SPON1: variants seen among roughly 807,000 people sequenced by gnomAD.
The protein encoded by SPON1 is spondin-1.
A neutral mutation model predicts 111.7 loss-of-function variants in SPON1; 52 were observed. That is an observed-to-expected ratio of 0.47 (90% CI 0.37 to 0.59). The LOEUF (loss-of-function observed/expected upper bound fraction) is 0.59. Ranked by LOEUF, SPON1 falls within the 20% of genes least tolerant of loss-of-function variation. SPON1 has a pLI of 0.00. For synonymous variants in SPON1, 410 were observed against 395.8 expected (o/e 1.04, Z -0.43); for missense variants, 957 against 1,068.5 (o/e 0.90, Z 1.46).
intron 6 of SPON1, among the ~76,000 whole-genome samples, chr11:14,213,330 G>A (rs1380333493): frequency 6.6e-6 from 1 of 152,048 alleles, no homozygotes; most frequent in African/African-American, 2.4e-5. Context: ...TTTGCCTGGA[G>A]CTAGTCTCAG....
chr11:14,143,574 A>AG (rs759066233), intron 6 of SPON1, among the ~76,000 whole-genome samples: 6 of 145,262 alleles, frequency 4.1e-5, no homozygotes, highest in Admixed American at 2.8e-4. Flanking sequence ...AAAAAAAAAA[A>AG]GGGCAGGGGA....
At chr11:14,002,648 T>C (rs1204912643) in intron 2 of SPON1, among the ~76,000 whole-genome samples, 2 of 152,014 alleles carry the variant, frequency 1.3e-5, no homozygotes, top group African/African-American at 4.8e-5. Flanking sequence ...GAGATTGGAT[T>C]TGTAACTTTC....
chr11:14,257,928 C>G lies in SPON1; in HGVS notation c.1492+30C>G, dbSNP rs1474124677. ...GGAGACAACCCAGACCAGCCAGGGG[C>G]TGGCAGGAGTTCAGGAAGGGAGGGT... is the stretch of plus-strand genomic sequence containing the variant. On this transcript the variant is annotated intron_variant, in intron 11 of 15. Transcript: ENST00000576479. 18 of 1,496,848 alleles carry G rather than the reference C, an allele frequency of 1.2e-5. 1 individual carries two copies. The Admixed American group carries it at 3.9e-4, about 32-fold the overall frequency. 92.7% of individuals were successfully genotyped at this position (1,496,848 alleles called of 1,614,324 possible).
At chr11:14,134,458 A>C (rs1847567248) in intron 5 of SPON1, among the ~76,000 whole-genome samples, 1 of 152,040 alleles carries the variant, frequency 6.6e-6, no homozygotes, top group Non-Finnish European at 1.5e-5. Flanking sequence ...TTGTGCATTA[A>C]TTCCCTCCCA....
chr11:14,152,023 C>T (rs1164742674), intron 6 of SPON1, among the ~76,000 whole-genome samples: 2 of 152,122 alleles, frequency 1.3e-5, no homozygotes, highest in African/African-American at 4.8e-5. Context: ...TCTTCCAGAC[C>T]ATATTGTAAC....
intron 5 of SPON1, among the ~76,000 whole-genome samples, chr11:14,115,157 A>G (rs1849257754): frequency 6.6e-6 from 1 of 152,168 alleles, no homozygotes. Flanking sequence ...GGAAACTTTC[A>G]GTTTTCATCC....
In SPON1 at chr11:14,228,883, A is replaced by G. The variant is rs868991689; in HGVS notation, c.826-14449A>G. ...TGAGATGATCCTTAATATGTACACA[A>G]TCTATTATTTTATTCTCACAAAAAT... On this transcript the variant is annotated intron_variant, in intron 6 of 15. Coordinates refer to ENST00000576479, the MANE Select transcript of SPON1 (RefSeq NM_006108.4). This position sits in a 1 kb window ranked among gnomAD's most constrained non-coding sequence, Gnocchi z 4.2. Among the ~76,000 whole-genome samples, 5 of 152,336 alleles carry G rather than the reference A, an allele frequency of 3.3e-5. 1 individual carries two copies. The highest frequency in any genetic ancestry group is 4.4e-5 in the Non-Finnish European group (3 of 68,030).
At chr11:14,025,097 C>G (rs1002105418) in intron 2 of SPON1, among the ~76,000 whole-genome samples, 2 of 152,134 alleles carry the variant, frequency 1.3e-5, no homozygotes, top group Non-Finnish European at 2.9e-5. Context: ...GGGGTGCAGT[C>G]ATTTATTCAG....
chr11:14,259,177 C>T lies in SPON1; in HGVS notation c.1493-103C>T. 1 of 1,327,136 alleles carries T rather than the reference C, an allele frequency of 7.5e-7. No individual in the cohort carries two copies. The highest frequency in any genetic ancestry group is 1.0e-6 in the Non-Finnish European group (1 of 986,160). The allele number at this position is 1,327,136 out of a possible 1,614,324, so 82.2% of individuals were successfully genotyped here. On this transcript the variant is annotated intron_variant, in intron 11 of 15. Coordinates refer to ENST00000576479, the MANE Select transcript of SPON1 (RefSeq NM_006108.4). The surrounding 1 kb of genome is among the most constrained non-coding windows in gnomAD (Gnocchi z 5.0). ...TTAGGTGTGCAGACAACCTCAACTG[C>T]CTGACTCCTCTTGATTCCCGCTGGC...
At chr11:13,970,864 G>A (rs544272757) in intron 1 of SPON1, among the ~76,000 whole-genome samples, 28 of 152,248 alleles carry the variant, frequency 1.8e-4, no homozygotes, top group African/African-American at 6.3e-4. Context: ...AAATTCTCTC[G>A]TTTATTGTCT....
At chr11:14,144,138 AG>A (rs1847691449) in intron 6 of SPON1, among the ~76,000 whole-genome samples, 1 of 152,190 alleles carries the variant, frequency 6.6e-6, no homozygotes, top group Non-Finnish European at 1.5e-5. Flanking sequence ...CATGGCTTGG[AG>A]TATGAGCTCA....
intron 6 of SPON1, among the ~76,000 whole-genome samples, chr11:14,164,121 C>T (rs1199408493): frequency 2.6e-5 from 4 of 152,118 alleles, no homozygotes; most frequent in African/African-American, 9.7e-5. Context: ...GGCAAAAGAG[C>T]CACAGCTTCA....
At chr11:13,982,762 G>A in intron 1 of SPON1, 85 bp from the exon 2 acceptor site, 2 of 896,642 alleles carry the variant, frequency 2.2e-6, no homozygotes, top group Admixed American at 2.1e-5. Context: ...CTGGGATATC[G>A]ATGGAGAACT....
chr11:14,043,949 A>C (rs1041342857), intron 3 of SPON1, among the ~76,000 whole-genome samples: 2 of 152,224 alleles, frequency 1.3e-5, no homozygotes, highest in Admixed American at 1.3e-4. Flanking sequence ...AGGTTCTTAC[A>C]AGTCAAATAA....
At chr11:14,039,665 A>G (rs1016876388) in intron 2 of SPON1, among the ~76,000 whole-genome samples, 1 of 152,216 alleles carries the variant, frequency 6.6e-6, no homozygotes, top group Non-Finnish European at 1.5e-5. Flanking sequence ...GAGAATATCT[A>G]TATGATCTCA....
At chr11:14,086,908 T>G (rs1849011144) in intron 5 of SPON1, among the ~76,000 whole-genome samples, 1 of 152,238 alleles carries the variant, frequency 6.6e-6, no homozygotes, top group South Asian at 2.1e-4. Context: ...TATCCATTTC[T>G]TCTAGATTTT....
intron 6 of SPON1, among the ~76,000 whole-genome samples, chr11:14,151,778 T>C (rs554166311): frequency 9.8e-4 from 150 of 152,302 alleles, no homozygotes; most frequent in African/African-American, 3.5e-3. Flanking sequence ...AATATACAAA[T>C]CAAAGATAAA....
chr11:14,237,150 C>T (rs1480167111), intron 6 of SPON1, among the ~76,000 whole-genome samples: 1 of 152,206 alleles, frequency 6.6e-6, no homozygotes, highest in Non-Finnish European at 1.5e-5. Context: ...TCTTGCTACT[C>T]ATCACCAGAA....
chr11:14,254,877 G>A, intron 8 of SPON1, 148 bp downstream of exon 8: 1 of 748,144 alleles, frequency 1.3e-6, no homozygotes, highest in Non-Finnish European at 2.2e-6. Context: ...CATCACATAT[G>A]GTGTAATTTG....
Sources: allele counts gnomAD v4.1 joint callset (sites outside exome capture counted in the v4.1 genomes callset), GRCh38; gene constraint gnomAD v4.1.1; non-coding constraint Gnocchi (gnomAD v3.1); transcripts MANE v1.5; gene names NCBI Gene and HGNC (gene_info 2026-07-23, HGNC 2026-07-21).